Variants in GLI2 observed in about 807,000 individuals in gnomAD.
The protein encoded by GLI2 is GLI family zinc finger 2.
Under a neutral mutation model 78.9 loss-of-function variants are expected in GLI2, and 22 were observed. The observed-to-expected ratio is 0.28, with a 90% CI of 0.20 to 0.40. GLI2 has a LOEUF of 0.40. Ranked by LOEUF, GLI2 falls within the 10% of genes least tolerant of loss-of-function variation. The probability of loss-of-function intolerance (pLI) is 1.00; values close to 1 mark genes in which losing one functional copy is unlikely to be tolerated. For synonymous variants in GLI2, 974 were observed against 963.7 expected (o/e 1.01, Z -0.20); for missense variants, 2,097 against 2,213.2 (o/e 0.95, Z 1.05).
chr2:120,896,667 C>CA (rs1558865604), intron 2 of GLI2, among the ~76,000 whole-genome samples: 2 of 19,750 alleles, frequency 1.0e-4, no homozygotes, highest in African/African-American at 3.0e-4. Flanking sequence ...ACACATACAC[C>CA]CACCCCCCCA....
At chr2:120,853,308 AGCT>A (rs1687497533) in intron 2 of GLI2, among the ~76,000 whole-genome samples, 2 of 152,158 alleles carry the variant, frequency 1.3e-5, no homozygotes, top group Non-Finnish European at 2.9e-5. Context: ...CCAGGACAGA[AGCT>A]GGAGATTTGA....
At position 120,812,071 on chromosome 2, in the gene GLI2, C is replaced by T. The variant is rs552804095; in HGVS notation, c.148+14603C>T. 2.0e-5 allele frequency among the ~76,000 whole-genome samples: 3 copies of T among 152,286 alleles called. No homozygotes were observed. The South Asian group carries it at 6.2e-4, about 32-fold the overall frequency. On this transcript the variant is annotated intron_variant, in intron 2 of 13. Transcript: ENST00000361492. ...ATTCTGGCAGGGAGAGATGGGGGAT[C>T]GGCGGCCTCAGCCTTCCTTGAGACA...
chr2:120,850,057 G>C (rs1385944578), intron 2 of GLI2, among the ~76,000 whole-genome samples: 1 of 152,178 alleles, frequency 6.6e-6, no homozygotes, highest in Non-Finnish European at 1.5e-5. Flanking sequence ...GCAATACAAA[G>C]GCAGGTGATG....
chr2:120,961,060 T>C (rs924732868), intron 5 of GLI2, among the ~76,000 whole-genome samples: 3 of 152,176 alleles, frequency 2.0e-5, no homozygotes, highest in African/African-American at 7.2e-5. Flanking sequence ...CATGTTATGC[T>C]GTTGAATATT....
At chr2:120,895,644 A>G (rs1677905257) in intron 2 of GLI2, among the ~76,000 whole-genome samples, 1 of 152,186 alleles carries the variant, frequency 6.6e-6, no homozygotes, top group Non-Finnish European at 1.5e-5. Context: ...TGAAGGCTAC[A>G]ATGAACTGAG....
Position 120,990,304 on chromosome 2 carries a change from G to C in GLI2, c.4339G>C (p.Gly1447Arg). The C allele has an allele frequency of 1.2e-6, 2 of 1,613,678 alleles. No individual in the cohort carries two copies. Among genetic ancestry groups the C allele is most frequent in the Admixed American group, 1.7e-5 (1 of 60,022 alleles). Reference protein sequence around the residue: ...YEQDGGLENLGSCQVMRSQPP... With the variant: ...YEQDGGLENLRSCQVMRSQPP... ...ACAGGATGGAGGCCTGGAGAACCTC[G>C]GGAGCTGCCAGGTCATGCGGTCCCA... is the stretch of plus-strand genomic sequence containing the variant. Residue 1447 changes from glycine (G) to arginine (R), a missense_variant, in exon 14 of 14, where the codon GGG becomes CGG. This residue lies in a region of GLI2 where 1,290 missense variants were observed against 1,261.7 expected (regional missense o/e 1.02). Coordinates refer to ENST00000361492, the MANE Select transcript of GLI2 (RefSeq NM_001374353.1).
At chr2:120,924,709 G>T (rs562814418) in intron 2 of GLI2, among the ~76,000 whole-genome samples, 3 of 152,220 alleles carry the variant, frequency 2.0e-5, no homozygotes, top group Non-Finnish European at 4.4e-5. Context: ...CTCTTGGTCT[G>T]TGAGCAAGCA....
intron 1 of GLI2, among the ~76,000 whole-genome samples, chr2:120,749,170 C>T (rs976291372): frequency 2.6e-5 from 4 of 152,136 alleles, no homozygotes; most frequent in African/African-American, 9.7e-5. Flanking sequence ...TTGCCATTGT[C>T]TGTTTATTTG....
intron 2 of GLI2, among the ~76,000 whole-genome samples, chr2:120,851,940 G>A (rs1687425239): frequency 6.6e-6 from 1 of 152,222 alleles, no homozygotes; most frequent in Admixed American, 6.5e-5. Context: ...TGAGCCTTAG[G>A]AAGCAGGTTT....
Sources: allele counts gnomAD v4.1 joint callset (sites outside exome capture counted in the v4.1 genomes callset), GRCh38; gene constraint gnomAD v4.1.1; regional missense constraint gnomAD v4.1.1; transcripts MANE v1.5; gene names NCBI Gene and HGNC (gene_info 2026-07-23, HGNC 2026-07-21).